The following PALM2AKAP2 variants were observed in gnomAD, a reference collection of about 807,000 sequenced individuals.
PALM2AKAP2 encodes PALM2-AKAP2 fusion protein.
In PALM2AKAP2, 37 loss-of-function variants were observed where a neutral mutation model predicts 71.5. The observed-to-expected ratio is 0.52, with a 90% CI of 0.40 to 0.68. PALM2AKAP2 has a LOEUF of 0.68. PALM2AKAP2 is among the 30% of genes least tolerant of loss of function. The probability of loss-of-function intolerance (pLI) is 0.00; values close to 1 mark genes in which losing one functional copy is unlikely to be tolerated. For synonymous variants in PALM2AKAP2, 468 were observed against 478.8 expected, an observed-to-expected ratio of 0.98 and a Z score of 0.29; for missense variants, 1,224 against 1,191.8, an observed-to-expected ratio of 1.03 and a Z score of -0.40.
At chr9:109,857,742 C>CCT (rs921504889) in intron 1 of PALM2AKAP2, among the ~76,000 whole-genome samples, 10 of 152,168 alleles carry the variant, frequency 6.6e-5, no homozygotes, top group Admixed American at 3.3e-4. Context: ...CTTACAGTAG[C>CCT]TAAGTTTAGG....
chr9:110,017,944 T>A (rs1025129821), intron 7 of PALM2AKAP2, among the ~76,000 whole-genome samples: 8 of 152,142 alleles, frequency 5.3e-5, no homozygotes, highest in Non-Finnish European at 1.2e-4. Context: ...GCCAGGTTGG[T>A]CTCCATCTCT....
chr9:110,002,027 C>T (rs546430695), intron 6 of PALM2AKAP2, among the ~76,000 whole-genome samples: 2 of 152,052 alleles, frequency 1.3e-5, no homozygotes, highest in Admixed American at 6.6e-5. Context: ...TCCTGATTGC[C>T]CTGGCCAGAA....
intron 6 of PALM2AKAP2, chr9:109,942,588 A>G: frequency 1.5e-6 from 2 of 1,358,970 alleles, no homozygotes; most frequent in Non-Finnish European, 9.9e-7. Context: ...TTAGAATAGA[A>G]AGGGCACAAA....
chr9:110,135,164 A>AAAAAAAATATATATATATATAT, intron 1 of PALM2AKAP2, among the ~76,000 whole-genome samples: 4 of 51,732 alleles, frequency 7.7e-5, no homozygotes, highest in Non-Finnish European at 7.5e-5. Context: ...AAAAAAAAAA[A>AAAAAAAATATATATATATATAT]ATATATAAAT....
intron 1 of PALM2AKAP2, among the ~76,000 whole-genome samples, chr9:110,098,067 A>T (rs989055727): frequency 4.9e-5 from 7 of 141,434 alleles, no homozygotes; most frequent in Non-Finnish European, 1.1e-4. Context: ...AGGCTGAGGC[A>T]GGAGAATCAG....
At chr9:109,851,213 A>ACAAC (rs1564179688) in intron 1 of PALM2AKAP2, among the ~76,000 whole-genome samples, 5,888 of 142,980 alleles carry the variant, frequency 0.041, 132 homozygotes, top group South Asian at 0.071. Flanking sequence ...CAACAACAAA[A>ACAAC]AAAAAAAAAC....
chr9:109,726,893 T>C (rs1303936186), intron 1 of PALM2AKAP2, among the ~76,000 whole-genome samples: 1 of 152,236 alleles, frequency 6.6e-6, no homozygotes, highest in African/African-American at 2.4e-5. Flanking sequence ...CACATGTGGC[T>C]ATGGGTACCA....
At chr9:109,867,689 C>A in intron 2 of PALM2AKAP2, 118 bp downstream of exon 2, 1 of 1,171,684 alleles carries the variant, frequency 8.5e-7, no homozygotes, top group African/African-American at 1.6e-5. Flanking sequence ...CAGCCTTTTT[C>A]ATTCAATCAG....
At chr9:109,875,598 A>G (rs1484791881) in intron 2 of PALM2AKAP2, among the ~76,000 whole-genome samples, 3 of 152,212 alleles carry the variant, frequency 2.0e-5, no homozygotes, top group Non-Finnish European at 4.4e-5. Context: ...GGATAGTCAT[A>G]GGTCCTCATG....
At chr9:109,785,202 A>T (rs909747195) in intron 1 of PALM2AKAP2, among the ~76,000 whole-genome samples, 4 of 152,248 alleles carry the variant, frequency 2.6e-5, no homozygotes, top group African/African-American at 7.2e-5. Flanking sequence ...GAAATAGGAA[A>T]TGCTAATCTA....
intron 1 of PALM2AKAP2, among the ~76,000 whole-genome samples, chr9:109,680,776 G>A (rs1219111804): frequency 6.6e-6 from 1 of 152,140 alleles, no homozygotes; most frequent in Non-Finnish European, 1.5e-5. Context: ...ATATGAAAGT[G>A]TCTGTGGTTT....
At chr9:109,900,425 C>T (rs1830302076) in intron 3 of PALM2AKAP2, among the ~76,000 whole-genome samples, 1 of 152,214 alleles carries the variant, frequency 6.6e-6, no homozygotes, top group Non-Finnish European at 1.5e-5. Context: ...ACAGATCTGA[C>T]AGTCTAGGCA....
chr9:109,710,478 T>C (rs1239021241), intron 1 of PALM2AKAP2, among the ~76,000 whole-genome samples: 4 of 152,212 alleles, frequency 2.6e-5, no homozygotes, highest in African/African-American at 9.6e-5. Flanking sequence ...AAGAATGAAC[T>C]CTATAGGCAG....
chr9:110,015,098 A>G (rs1832955700), intron 6 of PALM2AKAP2, among the ~76,000 whole-genome samples: 1 of 152,052 alleles, frequency 6.6e-6, no homozygotes, highest in African/African-American at 2.4e-5. Context: ...AAACATTAGC[A>G]TTTCTAAAGA....
At chr9:109,736,962 G>A (rs539252750) in intron 1 of PALM2AKAP2, among the ~76,000 whole-genome samples, 1 of 152,320 alleles carries the variant, frequency 6.6e-6, no homozygotes, top group African/African-American at 2.4e-5. Flanking sequence ...CGTCTCTTTT[G>A]TATATTAGCC....
chr9:110,042,394 C>G (rs1302684977), intron 7 of PALM2AKAP2, among the ~76,000 whole-genome samples: 2 of 82,322 alleles, frequency 2.4e-5, no homozygotes, highest in Non-Finnish European at 4.7e-5. Flanking sequence ...CCATTGCACT[C>G]CAGCCTGGCA....
At chr9:109,685,042 A>T (rs942951189) in intron 1 of PALM2AKAP2, among the ~76,000 whole-genome samples, 1 of 152,252 alleles carries the variant, frequency 6.6e-6, no homozygotes. Context: ...GAGAAACCAG[A>T]TCTCAAAGAT....
intron 6 of PALM2AKAP2, among the ~76,000 whole-genome samples, chr9:110,001,140 G>A (rs1271869706): frequency 6.6e-6 from 1 of 152,144 alleles, no homozygotes; most frequent in African/African-American, 2.4e-5. Flanking sequence ...AGTTTTTATG[G>A]TTTTAGGTCT....
At chr9:109,864,649 C>T (rs1829399124) in intron 1 of PALM2AKAP2, among the ~76,000 whole-genome samples, 1 of 152,212 alleles carries the variant, frequency 6.6e-6, no homozygotes, top group Non-Finnish European at 1.5e-5. Context: ...CAGCCACACT[C>T]ATTCATTTAA....
Sources: allele counts gnomAD v4.1 joint callset (sites outside exome capture counted in the v4.1 genomes callset), GRCh38; gene constraint gnomAD v4.1.1; transcripts MANE v1.5; gene names NCBI Gene and HGNC (gene_info 2026-07-23, HGNC 2026-07-21).